The following SMU1 variants were observed in gnomAD, a reference collection of about 807,000 sequenced individuals.
SMU1 encodes the protein SMU1 DNA replication regulator and spliceosomal factor, also known as WD40 repeat-containing protein SMU1.
SMU1 carries 2 observed loss-of-function variants against 62.0 expected under a neutral mutation model. That is an observed-to-expected ratio of 0.03 (90% CI 0.01 to 0.10). SMU1 has a LOEUF of 0.10. Among genes scored for constraint, SMU1 ranks in the 10% least tolerant of loss-of-function variants. SMU1 has a pLI of 1.00. For synonymous variants in SMU1, 188 were observed against 212.4 expected (o/e 0.89, Z 1.00); for missense variants, 227 against 622.1 (o/e 0.36, Z 6.76).
chr9:33,053,874 G>T (rs1288267956), intron 9 of SMU1, among the ~76,000 whole-genome samples: 1 of 152,216 alleles, frequency 6.6e-6, no homozygotes, highest in Admixed American at 6.5e-5. Flanking sequence ...AAAAATCTAT[G>T]ATCTTTTCTC....
In SMU1 at chr9:33,060,534, C is replaced by T. The variant is rs371151634; in HGVS notation, c.681G>A (p.Gln227=). 4.3e-6 allele frequency: 7 copies of T among 1,611,774 alleles called. No individual in the cohort carries two copies. Among genetic ancestry groups the T allele is most frequent in the East Asian group, 4.5e-5 (2 of 44,780 alleles). ...VECARFSPDG[Q]YLVTGSVDGF... is the part of the protein sequence containing the mutation. Reference sequence around the variant, plus strand: ...CATCAACAGACCCAGTGACCAAATACTGACCATCTGGAGAAAATCGAGCAC... The same window carrying T: ...CATCAACAGACCCAGTGACCAAATATTGACCATCTGGAGAAAATCGAGCAC... The change falls in exon 6 of 12, where the codon CAG becomes CAA. Residue 227 remains glutamine, a synonymous_variant. Coordinates refer to ENST00000397149, the MANE Select transcript of SMU1 (RefSeq NM_018225.3).
intron 7 of SMU1, among the ~76,000 whole-genome samples, 184 bp downstream of exon 7, chr9:33,057,414 A>G (rs1253686646): frequency 6.6e-6 from 1 of 152,336 alleles, no homozygotes; most frequent in East Asian, 1.9e-4. Flanking sequence ...GTGACCTTAA[A>G]TATGTTATTG....
intron 10 of SMU1, among the ~76,000 whole-genome samples, chr9:33,049,102 T>C (rs1476032093): frequency 6.6e-6 from 1 of 152,190 alleles, no homozygotes; most frequent in Non-Finnish European, 1.5e-5. Flanking sequence ...AATTATTTTG[T>C]GGATATTGAC....
At chr9:33,074,934 G>A (rs1162165625) in intron 1 of SMU1, among the ~76,000 whole-genome samples, 2 of 152,020 alleles carry the variant, frequency 1.3e-5, no homozygotes, top group South Asian at 4.2e-4. Context: ...CCACCACACT[G>A]GCTAATTGTT....
At chr9:33,052,382 C>T (rs1260446182) in intron 10 of SMU1, among the ~76,000 whole-genome samples, 1 of 152,124 alleles carries the variant, frequency 6.6e-6, no homozygotes, top group African/African-American at 2.4e-5. Context: ...GAAGTGTGCT[C>T]AGCAGATGCA....
At chr9:33,052,637 C>A (rs1443172603) in intron 10 of SMU1, among the ~76,000 whole-genome samples, 1 of 152,202 alleles carries the variant, frequency 6.6e-6, no homozygotes, top group African/African-American at 2.4e-5. Context: ...CTGACACCCC[C>A]AGTGCTACTT....
At chr9:33,052,849 G>A (rs930832102) in intron 10 of SMU1, among the ~76,000 whole-genome samples, 4 of 152,180 alleles carry the variant, frequency 2.6e-5, no homozygotes, top group Non-Finnish European at 2.9e-5. Flanking sequence ...CTTCAGTGAG[G>A]TTCTGAAGGA....
chr9:33,060,719 A>C, intron 5 of SMU1, 135 bp from the exon 6 acceptor site: 1 of 1,094,006 alleles, frequency 9.1e-7, no homozygotes, highest in East Asian at 2.8e-5. Flanking sequence ...TTGGAGGGGT[A>C]TTTCTGTACC....
At position 33,068,774 on chromosome 9, in the gene SMU1, G is replaced by GT. The variant is rs1839454400; in HGVS notation, c.501+49_501+50insA. 3.1e-6 allele frequency: 5 copies of GT among 1,597,982 alleles called. No individual in the cohort carries two copies. The African/African-American group carries it at 4.0e-5, about 13-fold the overall frequency. Reference sequence around the variant, plus strand: ...CCTGCCTCAGCCTCCCAAAGTGCAAGGATGACAGGTGTGAGCCACCACACC... The same window carrying GT: ...CCTGCCTCAGCCTCCCAAAGTGCAAGTGATGACAGGTGTGAGCCACCACACC... On this transcript the variant is annotated intron_variant, in intron 4 of 11. Coordinates refer to ENST00000397149, the MANE Select transcript of SMU1 (RefSeq NM_018225.3).
At chr9:33,061,980 G>C in intron 5 of SMU1, 69 bp downstream of exon 5, 2 of 1,540,274 alleles carry the variant, frequency 1.3e-6, no homozygotes, top group Non-Finnish European at 1.8e-6. Flanking sequence ...CCTGGCACAG[G>C]GCCTGGCTGA....
In SMU1 at chr9:33,046,509, ATGT is replaced by A. The variant is rs1258314018; in HGVS notation, c.*781_*783del. 2 of 151,624 alleles carry A rather than the reference ATGT, an allele frequency of 1.3e-5. No individual in the cohort carries two copies. Among genetic ancestry groups the A allele is most frequent in the African/African-American group, 4.9e-5 (2 of 41,224 alleles). 9.4% of individuals were successfully genotyped at this position (151,624 alleles called of 1,614,324 possible). On this transcript the variant is annotated 3_prime_UTR_variant, in exon 12 of 12. Transcript: ENST00000397149. ...TCCTCCTCCCACATTCTAAGTAAAT[ATGT>A]TAACTAGATGAGCATTTATGTACAT...
intron 9 of SMU1, among the ~76,000 whole-genome samples, chr9:33,055,000 G>A (rs1052096287): frequency 3.3e-5 from 5 of 152,244 alleles, no homozygotes; most frequent in Middle Eastern, 3.4e-3. Flanking sequence ...AAGTTGTGAG[G>A]CCCATATGCA....
chr9:33,066,738 G>A lies in SMU1; in HGVS notation c.501+2086C>T, dbSNP rs182628446. Among the ~76,000 whole-genome samples the A allele has an allele frequency of 4.8e-3, 734 of 152,014 alleles. 4 individuals are homozygous for A. Among genetic ancestry groups the A allele is most frequent in the South Asian group, 6.0e-3 (29 of 4,812 alleles). On this transcript the variant is annotated intron_variant, in intron 4 of 11. Coordinates refer to ENST00000397149, the MANE Select transcript of SMU1 (RefSeq NM_018225.3). ...GGAGAATTGCTCGAACCCAGAAGGC[G>A]GAGGTTGCAGTGAGCCAAGATCGTG...
At chr9:33,058,060 A>G (rs1389619716) in intron 6 of SMU1, among the ~76,000 whole-genome samples, 1 of 152,176 alleles carries the variant, frequency 6.6e-6, no homozygotes, top group Admixed American at 6.5e-5. Flanking sequence ...AACTAAACTA[A>G]TATTTTTTCC....
chr9:33,056,347 T>G, intron 8 of SMU1, 108 bp from the exon 9 acceptor site: 1 of 1,157,684 alleles, frequency 8.6e-7, no homozygotes, highest in Non-Finnish European at 1.2e-6. Context: ...TGTTATAATA[T>G]TAAGTGAAGA....
chr9:33,072,828 CA>C (rs768630155), intron 2 of SMU1, among the ~76,000 whole-genome samples: 4 of 82,956 alleles, frequency 4.8e-5, no homozygotes, highest in Non-Finnish European at 2.4e-5. Context: ...GACTCTGTCT[CA>C]AAAAAAAAAC....
At chr9:33,057,788 A>G in intron 6 of SMU1, 74 bp from the exon 7 acceptor site, 1 of 1,588,048 alleles carries the variant, frequency 6.3e-7, no homozygotes, top group Non-Finnish European at 8.6e-7. Context: ...ACTCACAAAA[A>G]CCAGGGGCAA....
intron 10 of SMU1, among the ~76,000 whole-genome samples, chr9:33,048,558 A>G (rs1436981862): frequency 6.6e-6 from 1 of 152,140 alleles, no homozygotes; most frequent in East Asian, 1.9e-4. Context: ...ACAAAAAACA[A>G]TTTTCTAAAT....
rs540808522 is a variant in SMU1 at position 33,072,798 on chromosome 9, C to T, written c.237+798G>A. Among the ~76,000 whole-genome samples, 9 of 143,804 alleles carry T rather than the reference C, an allele frequency of 6.3e-5. No individual in the cohort carries two copies. The South Asian group carries it at 1.7e-3, about 27-fold the overall frequency. 94.3% of individuals were successfully genotyped at this position (143,804 alleles called of 152,430 possible). ...GAGCAGAGATCGCACCACTGCACTC[C>T]AGCCTGGGTAACACAGTGAGACTCT... On this transcript the variant is annotated intron_variant, in intron 2 of 11. Transcript: ENST00000397149.
Sources: gnomAD v4.1 joint callset for allele counts (sites outside exome capture counted in the v4.1 genomes callset) on GRCh38, gnomAD v4.1.1 for gene constraint, MANE v1.5 for transcripts, NCBI Gene and HGNC (gene_info 2026-07-23, HGNC 2026-07-21) for gene names.